Variants in SLC24A2 observed in about 807,000 individuals in gnomAD.
SLC24A2 encodes sodium/potassium/calcium exchanger 2.
A neutral mutation model predicts 62.0 loss-of-function variants in SLC24A2; 36 were observed. That is an observed-to-expected ratio of 0.58 (90% CI 0.44 to 0.77). SLC24A2 has a LOEUF of 0.77. Ranked by LOEUF, SLC24A2 falls within the 30% of genes least tolerant of loss-of-function variation. SLC24A2 has a pLI of 0.00. For synonymous variants in SLC24A2, 358 were observed against 294.0 expected (o/e 1.22, Z -2.23); for missense variants, 846 against 817.9 (o/e 1.03, Z -0.42).
intron 2 of SLC24A2, among the ~76,000 whole-genome samples, chr9:19,772,663 T>C (rs1576045): frequency 0.73 from 111,239 of 152,050 alleles, 40,892 homozygotes; most frequent in East Asian, 0.8. Context: ...TATCACTTTA[T>C]AATCACAAAG....
chr9:19,723,365 A>C (rs1225770561), intron 2 of SLC24A2, among the ~76,000 whole-genome samples: 2 of 152,138 alleles, frequency 1.3e-5, no homozygotes, highest in East Asian at 3.9e-4. Context: ...AGATGCACCA[A>C]AAAAGAATGA....
the SLC24A2 span, among the ~76,000 whole-genome samples, chr9:20,188,156 C>T: frequency 6.6e-6 from 1 of 152,184 alleles, no homozygotes. Context: ...AGAATTTCTG[C>T]TACAAACAGT....
At chr9:20,054,581 C>T in the SLC24A2 span, among the ~76,000 whole-genome samples, 1 of 152,140 alleles carries the variant, frequency 6.6e-6, no homozygotes, top group Non-Finnish European at 1.5e-5. Flanking sequence ...ACCTCACCCC[C>T]CTCCCATGCT....
chr9:20,105,290 G>A, the SLC24A2 span, among the ~76,000 whole-genome samples: 4 of 152,076 alleles, frequency 2.6e-5, no homozygotes, highest in East Asian at 1.9e-4. Flanking sequence ...ACAGATCAAC[G>A]AGACAGAAAG....
chr9:19,535,751 G>A (rs201094931), intron 8 of SLC24A2, among the ~76,000 whole-genome samples: 35 of 151,520 alleles, frequency 2.3e-4, no homozygotes, highest in African/African-American at 9.7e-5. Flanking sequence ...TTTTGGTTAC[G>A]GTAGCCTAGT....
chr9:19,973,000 G>A, the SLC24A2 span, among the ~76,000 whole-genome samples: 6 of 152,176 alleles, frequency 3.9e-5, no homozygotes, highest in African/African-American at 1.4e-4. Flanking sequence ...TCTTTCAACT[G>A]GTGATCAGCC....
At chr9:20,253,708 C>T in the SLC24A2 span, among the ~76,000 whole-genome samples, 4 of 152,222 alleles carry the variant, frequency 2.6e-5, no homozygotes, top group African/African-American at 2.4e-5. Context: ...AACTGCTGCA[C>T]GTGAGTGATC....
intron 4 of SLC24A2, among the ~76,000 whole-genome samples, chr9:19,610,674 C>A (rs763064741): frequency 6.6e-6 from 1 of 152,178 alleles, no homozygotes; most frequent in Middle Eastern, 3.4e-3. Flanking sequence ...CATTGCTGTG[C>A]TGGTACTATA....
intron 2 of SLC24A2, among the ~76,000 whole-genome samples, chr9:19,665,762 G>T (rs1045499067): frequency 6.6e-6 from 1 of 151,954 alleles, no homozygotes; most frequent in African/African-American, 2.4e-5. Flanking sequence ...TAGCTGGTAC[G>T]CGCCACCATG....
chr9:19,838,571 G>A, the SLC24A2 span, among the ~76,000 whole-genome samples: 4 of 151,476 alleles, frequency 2.6e-5, no homozygotes, highest in African/African-American at 7.3e-5. Flanking sequence ...CTTGGGAGGC[G>A]GAAGTTGCAG....
the SLC24A2 span, among the ~76,000 whole-genome samples, chr9:20,245,556 A>T: frequency 1.3e-5 from 2 of 152,184 alleles, no homozygotes; most frequent in Admixed American, 6.5e-5. Context: ...AGATTGCTGT[A>T]CTAAGGAAGG....
the SLC24A2 span, among the ~76,000 whole-genome samples, chr9:20,222,342 T>C: frequency 6.6e-6 from 1 of 151,722 alleles, no homozygotes; most frequent in Non-Finnish European, 1.5e-5. Flanking sequence ...AGAAATAAAC[T>C]CAAATACAGC....
the SLC24A2 span, among the ~76,000 whole-genome samples, chr9:20,147,364 G>C: frequency 6.6e-6 from 1 of 152,168 alleles, no homozygotes; most frequent in East Asian, 1.9e-4. Flanking sequence ...GGAAAACCAT[G>C]TGGTAATGTG....
intron 5 of SLC24A2, among the ~76,000 whole-genome samples, chr9:19,592,466 A>G (rs1836580910): frequency 6.6e-6 from 1 of 151,768 alleles, no homozygotes; most frequent in Non-Finnish European, 1.5e-5. Context: ...ATTAGTTGGG[A>G]TATCTACCGA....
At chr9:19,995,541 A>C in the SLC24A2 span, among the ~76,000 whole-genome samples, 19 of 152,040 alleles carry the variant, frequency 1.2e-4, no homozygotes, top group South Asian at 6.2e-4. Flanking sequence ...TTTTGAGCCA[A>C]CTCCCTCCTA....
chr9:19,710,336 G>T (rs920164685), intron 2 of SLC24A2, among the ~76,000 whole-genome samples: 12 of 152,148 alleles, frequency 7.9e-5, no homozygotes, highest in African/African-American at 2.9e-4. Flanking sequence ...ATTACCTGCA[G>T]TGTCACAAGT....
intron 7 of SLC24A2, among the ~76,000 whole-genome samples, chr9:19,561,436 C>T (rs1343418341): frequency 2.9e-5 from 4 of 138,206 alleles, no homozygotes; most frequent in Non-Finnish European, 4.6e-5. Flanking sequence ...GGAAAACAGA[C>T]TTTTTTTTTT....
At chr9:19,553,029 G>A (rs1834920160) in intron 7 of SLC24A2, among the ~76,000 whole-genome samples, 1 of 152,146 alleles carries the variant, frequency 6.6e-6, no homozygotes, top group Admixed American at 6.5e-5. Context: ...AAACTTCACA[G>A]CCTCCTGGGG....
chr9:19,603,961 T>G (rs369541478), intron 4 of SLC24A2, among the ~76,000 whole-genome samples: 1 of 152,238 alleles, frequency 6.6e-6, no homozygotes, highest in Non-Finnish European at 1.5e-5. Context: ...CTATACACTT[T>G]TGTTGTTGTG....
Sources: allele counts gnomAD v4.1 joint callset (sites outside exome capture counted in the v4.1 genomes callset), GRCh38; gene constraint gnomAD v4.1.1; transcripts MANE v1.5; gene names NCBI Gene and HGNC (gene_info 2026-07-23, HGNC 2026-07-21).